Variants in DCDC2 observed in about 807,000 individuals in gnomAD.
DCDC2 encodes doublecortin domain-containing protein 2.
A neutral mutation model predicts 50.2 loss-of-function variants in DCDC2; 40 were observed. The ratio of observed to expected loss-of-function variants is 0.80; its 90% CI spans 0.62 to 1.04. The LOEUF is 1.04. Among genes scored for constraint, DCDC2 ranks in the 50% least tolerant of loss-of-function variants. The pLI, the probability that DCDC2 is intolerant of heterozygous loss-of-function variation, is 0.00. For missense variants in DCDC2, 570 were observed against 581.9 expected, an observed-to-expected ratio of 0.98 and a Z score of 0.21; for synonymous variants, 234 against 210.6, an observed-to-expected ratio of 1.11 and a Z score of -0.96.
intron 8 of DCDC2, among the ~76,000 whole-genome samples, chr6:24,202,535 G>A (rs1432042420): frequency 6.6e-6 from 1 of 152,126 alleles, no homozygotes; most frequent in Non-Finnish European, 1.5e-5. Flanking sequence ...CATACTGAAT[G>A]GGCAAAAGCT....
intron 2 of DCDC2, among the ~76,000 whole-genome samples, chr6:24,340,226 A>G (rs138878477): frequency 6.6e-6 from 1 of 152,218 alleles, no homozygotes; most frequent in African/African-American, 2.4e-5. Context: ...TTAGGTCACA[A>G]TGTATACATC....
intron 7 of DCDC2, among the ~76,000 whole-genome samples, chr6:24,263,789 A>G (rs1021180757): frequency 3.3e-5 from 5 of 152,324 alleles, no homozygotes; most frequent in Admixed American, 2.0e-4. Flanking sequence ...AAGAAGAGGG[A>G]GAGAGAGAAA....
At chr6:24,265,183 C>T (rs1413177504) in intron 7 of DCDC2, among the ~76,000 whole-genome samples, 1 of 151,956 alleles carries the variant, frequency 6.6e-6, no homozygotes, top group Admixed American at 6.6e-5. Context: ...CAGAGAAGGT[C>T]ATTATATAAT....
At chr6:24,196,062 A>G (rs1274526826) in intron 8 of DCDC2, among the ~76,000 whole-genome samples, 1 of 152,212 alleles carries the variant, frequency 6.6e-6, no homozygotes, top group African/African-American at 2.4e-5. Context: ...TACAACACAG[A>G]TCATTTAGAT....
intron 7 of DCDC2, among the ~76,000 whole-genome samples, chr6:24,206,833 T>G (rs1761725554): frequency 6.6e-6 from 1 of 152,132 alleles, no homozygotes; most frequent in South Asian, 2.1e-4. Context: ...CTGTGCACAG[T>G]GACACAAAGA....
At chr6:24,353,814 A>G (rs537387071) in intron 1 of DCDC2, among the ~76,000 whole-genome samples, 191 bp from the exon 2 acceptor site, 21 of 152,354 alleles carry the variant, frequency 1.4e-4, no homozygotes, top group African/African-American at 5.0e-4. Context: ...CAGAGCTGAC[A>G]TATGTCTACC....
the DCDC2 span, among the ~76,000 whole-genome samples, chr6:24,365,008 G>A: frequency 2.0e-5 from 3 of 152,070 alleles, no homozygotes; most frequent in African/African-American, 7.2e-5. Flanking sequence ...TGAGGGCCTT[G>A]AGACTGTTTC....
At chr6:24,326,566 C>G (rs1409431493) in intron 2 of DCDC2, among the ~76,000 whole-genome samples, 1 of 149,030 alleles carries the variant, frequency 6.7e-6, no homozygotes, top group African/African-American at 2.4e-5. Context: ...CAATAAAAAG[C>G]ATGTATGATG....
At chr6:24,189,492 A>C (rs774088036) in intron 8 of DCDC2, among the ~76,000 whole-genome samples, 48 of 152,194 alleles carry the variant, frequency 3.2e-4, no homozygotes, top group Non-Finnish European at 6.5e-4. Context: ...CAGCAGCAAC[A>C]AAAATTAAAA....
chr6:24,359,238 A>G (rs1458960762), upstream of DCDC2, among the ~76,000 whole-genome samples: 2 of 77,460 alleles, frequency 2.6e-5, no homozygotes, highest in Non-Finnish European at 4.4e-5. Context: ...TATTTTATAT[A>G]TTTTATATAT....
At chr6:24,359,429 TTATATATACTATATAG>T (rs1185576171), upstream of DCDC2, among the ~76,000 whole-genome samples, 2 of 55,636 alleles carry the variant, frequency 3.6e-5, no homozygotes, top group South Asian at 5.2e-4. Context: ...TTATATATAT[TTATATATACTATATAG>T]TATATATATT....
chr6:24,284,258 C>G (rs1178343081), intron 6 of DCDC2, among the ~76,000 whole-genome samples: 1 of 152,176 alleles, frequency 6.6e-6, no homozygotes, highest in Non-Finnish European at 1.5e-5. Context: ...CCTCCTGCTT[C>G]TATTCTTGCC....
At chr6:24,383,096 G>A in the DCDC2 span, among the ~76,000 whole-genome samples, 3 of 152,172 alleles carry the variant, frequency 2.0e-5, no homozygotes, top group African/African-American at 2.4e-5. Context: ...GGAGGCCGAG[G>A]CAGTGGGATC....
intron 2 of DCDC2, chr6:24,353,226 G>T: frequency 2.1e-6 from 1 of 466,140 alleles, no homozygotes; most frequent in Admixed American, 2.4e-5. Context: ...ATTAGGATGA[G>T]GATGTAGCTT....
At chr6:24,177,128 C>T (rs1247634503) in intron 9 of DCDC2, among the ~76,000 whole-genome samples, 2 of 152,076 alleles carry the variant, frequency 1.3e-5, no homozygotes, top group Non-Finnish European at 1.5e-5. Flanking sequence ...AAAGCTACTA[C>T]AACAAAGAGT....
intron 8 of DCDC2, 135 bp from the exon 9 acceptor site, chr6:24,178,767 G>T: frequency 1.1e-6 from 1 of 874,122 alleles, no homozygotes; most frequent in Non-Finnish European, 1.7e-6. Context: ...TTACAGTATA[G>T]AACGCACTTA....
chr6:24,229,093 A>G (rs1762289578), intron 7 of DCDC2, among the ~76,000 whole-genome samples: 1 of 152,226 alleles, frequency 6.6e-6, no homozygotes, highest in East Asian at 1.9e-4. Context: ...AGCTACTGTT[A>G]TAAGTTACCA....
intron 8 of DCDC2, among the ~76,000 whole-genome samples, chr6:24,180,638 T>C (rs2113741263): frequency 1.3e-5 from 2 of 152,114 alleles, no homozygotes; most frequent in East Asian, 3.9e-4. Flanking sequence ...TGTTAAGATC[T>C]CATTATTGCC....
intron 7 of DCDC2, among the ~76,000 whole-genome samples, chr6:24,256,646 T>G (rs1339262012): frequency 1.3e-5 from 2 of 152,180 alleles, no homozygotes; most frequent in Non-Finnish European, 2.9e-5. Flanking sequence ...CTAACAATTG[T>G]CCCTTTATAA....
Sources: gnomAD v4.1 joint callset for allele counts (sites outside exome capture counted in the v4.1 genomes callset) on GRCh38, gnomAD v4.1.1 for gene constraint, MANE v1.5 for transcripts, NCBI Gene and HGNC (gene_info 2026-07-23, HGNC 2026-07-21) for gene names.